The following TEX9 variants were observed in gnomAD, a reference collection of about 807,000 sequenced individuals.
TEX9 encodes the protein testis expressed 9, also known as testis-expressed protein 9.
Under a neutral mutation model 59.6 loss-of-function variants are expected in TEX9, and 74 were observed. The observed-to-expected ratio is 1.24, with a 90% confidence interval of 1.03 to 1.51. TEX9 has a LOEUF of 1.51. Among genes scored for constraint, TEX9 ranks in the 40% most tolerant of loss-of-function variants. The pLI is 0.00. For missense variants in TEX9, 522 were observed against 447.8 expected, an observed-to-expected ratio of 1.17 and a Z score of -1.49; for synonymous variants, 186 against 152.2, an observed-to-expected ratio of 1.22 and a Z score of -1.64.
chr15:56,322,722 C>T (rs2045929644), intron 1 of TEX9, among the ~76,000 whole-genome samples: 1 of 152,092 alleles, frequency 6.6e-6, no homozygotes, highest in Non-Finnish European at 1.5e-5. Flanking sequence ...GATGGTTTTA[C>T]TAATCCAGAG....
At chr15:56,370,322 A>AT (rs1160316357) in intron 2 of TEX9, among the ~76,000 whole-genome samples, 3 of 152,066 alleles carry the variant, frequency 2.0e-5, no homozygotes, top group African/African-American at 7.2e-5. Context: ...TTAATCATCA[A>AT]TTTTTTTATA....
At chr15:56,436,984 C>T (rs558176089) in intron 12 of TEX9, among the ~76,000 whole-genome samples, 33 of 152,214 alleles carry the variant, frequency 2.2e-4, no homozygotes, top group African/African-American at 7.0e-4. Context: ...CAAAAAAAGT[C>T]CAGGACCAGA....
chr15:56,396,574 T>TG (rs1232513086), intron 9 of TEX9: 4 of 151,070 alleles, frequency 2.6e-5, no homozygotes, highest in Admixed American at 6.6e-5. Context: ...ATCTGTTTTT[T>TG]TTTTTTTTTT....
chr15:56,389,884 T>C (rs1452485971), intron 6 of TEX9, among the ~76,000 whole-genome samples: 2 of 151,966 alleles, frequency 1.3e-5, no homozygotes, highest in Non-Finnish European at 2.9e-5. Flanking sequence ...AAGACGGTTC[T>C]TAGTATTATA....
At chr15:56,371,941 G>C (rs1403366254) in intron 2 of TEX9, among the ~76,000 whole-genome samples, 3 of 152,130 alleles carry the variant, frequency 2.0e-5, no homozygotes, top group Admixed American at 2.0e-4. Flanking sequence ...ACATACATCA[G>C]CTTCTAGCTT....
At chr15:56,365,288 G>T, upstream of TEX9, 2 of 891,072 alleles carry the variant, frequency 2.2e-6, no homozygotes, top group African/African-American at 1.7e-5. Context: ...AGCGCCGAGT[G>T]CTGCGAGCAA....
chr15:56,342,472 C>CAA (rs367645573), intron 1 of TEX9, among the ~76,000 whole-genome samples: 1 of 148,736 alleles, frequency 6.7e-6, no homozygotes, highest in Non-Finnish European at 1.5e-5. Context: ...TGTGTGTGGT[C>CAA]AAAAAAAAAG....
intron 10 of TEX9, among the ~76,000 whole-genome samples, chr15:56,426,626 T>TATACATACAC (rs1214988827): frequency 3.0e-4 from 14 of 47,202 alleles, no homozygotes; most frequent in Non-Finnish European, 2.0e-4. Context: ...TATATATATA[T>TATACATACAC]ACACACACAC....
intron 12 of TEX9, among the ~76,000 whole-genome samples, chr15:56,432,469 G>A (rs2050621374): frequency 6.6e-6 from 1 of 152,086 alleles, no homozygotes; most frequent in African/African-American, 2.4e-5. Context: ...GACCTTATAG[G>A]ATTGTATAAT....
At chr15:56,398,987 C>T (rs2048629761) in intron 9 of TEX9, among the ~76,000 whole-genome samples, 1 of 152,100 alleles carries the variant, frequency 6.6e-6, no homozygotes. Context: ...CAAAACAGTG[C>T]CCTTCTAAGA....
At chr15:56,386,624 A>T (rs1183629849) in intron 4 of TEX9, among the ~76,000 whole-genome samples, 1 of 151,976 alleles carries the variant, frequency 6.6e-6, no homozygotes, top group African/African-American at 2.4e-5. Context: ...ATATACCATG[A>T]AACCACTTAT....
intron 9 of TEX9, chr15:56,396,349 A>G (rs191887777): frequency 2.6e-5 from 4 of 152,230 alleles, no homozygotes; most frequent in Admixed American, 2.0e-4. Context: ...TTAGTGTACA[A>G]TTCTATGAGT....
At chr15:56,451,982 C>A in the TEX9 span, among the ~76,000 whole-genome samples, 1 of 152,194 alleles carries the variant, frequency 6.6e-6, no homozygotes, top group African/African-American at 2.4e-5. Flanking sequence ...TATTCTGATA[C>A]AACATTTCAT....
chr15:56,339,520 A>G (rs1244942431), intron 1 of TEX9, among the ~76,000 whole-genome samples: 1 of 151,938 alleles, frequency 6.6e-6, no homozygotes, highest in African/African-American at 2.4e-5. Context: ...TATTGAAAAC[A>G]ACGCATATGC....
At chr15:56,309,694 T>TTG (rs1491559034) in intron 1 of TEX9, among the ~76,000 whole-genome samples, 25 of 9,896 alleles carry the variant, frequency 2.5e-3, no homozygotes, top group African/African-American at 7.4e-3. Context: ...TTATGGGAAG[T>TTG]TTTTTTTTTT....
At chr15:56,309,620 G>T (rs11632260) in intron 1 of TEX9, among the ~76,000 whole-genome samples, 10,467 of 141,838 alleles carry the variant, frequency 0.074, 459 homozygotes, top group Non-Finnish European at 0.1. Flanking sequence ...GCTTGAGAAA[G>T]ATTGGTGTTA....
At chr15:56,423,873 G>A (rs12908734) in intron 10 of TEX9, among the ~76,000 whole-genome samples, 67,706 of 151,886 alleles carry the variant, frequency 0.45, 15,319 homozygotes, top group African/African-American at 0.49. Flanking sequence ...CCCATCACCC[G>A]AGCAGTCTAT....
At chr15:56,439,050 T>C (rs1382808793) in intron 12 of TEX9, among the ~76,000 whole-genome samples, 8 of 151,994 alleles carry the variant, frequency 5.3e-5, no homozygotes, top group Non-Finnish European at 8.8e-5. Flanking sequence ...CCTGACTATG[T>C]AGGGAAAAAA....
intron 12 of TEX9, chr15:56,428,643 C>G (rs2050446356): frequency 2.2e-6 from 1 of 446,224 alleles, no homozygotes; most frequent in Non-Finnish European, 4.0e-6. Context: ...CTTAGCGTGA[C>G]AATTAAGCAC....
Sources: allele counts gnomAD v4.1 joint callset (sites outside exome capture counted in the v4.1 genomes callset), GRCh38; gene constraint gnomAD v4.1.1; transcripts MANE v1.5; gene names NCBI Gene and HGNC (gene_info 2026-07-23, HGNC 2026-07-21).